Variants in PCDHGA4 observed in about 807,000 individuals in gnomAD.
The protein encoded by PCDHGA4 is protocadherin gamma-A4.
In PCDHGA4, 38 loss-of-function variants were observed where a neutral mutation model predicts 54.6. That is an observed-to-expected ratio of 0.70 (90% CI 0.54 to 0.91). The LOEUF (loss-of-function observed/expected upper bound fraction) is 0.91. Ranked by LOEUF, PCDHGA4 falls within the 40% of genes least tolerant of loss-of-function variation. PCDHGA4 has a pLI of 0.00. For synonymous variants in PCDHGA4, 511 were observed against 512.9 expected, an observed-to-expected ratio of 1.00 and a Z score of 0.05; for missense variants, 1,298 against 1,220.9, an observed-to-expected ratio of 1.06 and a Z score of -0.94.
At chr5:141,449,979 C>T (rs1382206842) in intron 1 of PCDHGA4, among the ~76,000 whole-genome samples, 1 of 148,862 alleles carries the variant, frequency 6.7e-6, no homozygotes, top group Non-Finnish European at 1.5e-5. Context: ...TCCAAAATAT[C>T]ACACATTGCA....
rs1428910817 is a variant in PCDHGA4, at chr5:141,390,296, A to G, written c.2514+32675A>G. ...CTTCCCATCAGGTGAGTTTCCTTTA[A>G]GTATAATTTAATGCTCATTGCCTAC... On this transcript the variant is annotated intron_variant, in intron 1 of 3. Coordinates refer to ENST00000571252, the MANE Select transcript of PCDHGA4 (RefSeq NM_018917.4). 7 of 1,613,806 alleles carry G rather than the reference A, an allele frequency of 4.3e-6. No individual in the cohort carries two copies. The Admixed American group carries it at 1.2e-4, about 27-fold the overall frequency.
In PCDHGA4 at chr5:141,491,778, C is replaced by T. The variant is rs568710854; in HGVS notation, c.2515-3029C>T. 3.1e-4 allele frequency: 482 copies of T among 1,547,678 alleles called. No homozygotes were observed. The highest frequency in any genetic ancestry group is 2.2e-3 in the Middle Eastern group (13 of 5,890). On this transcript the variant is annotated intron_variant, in intron 1 of 3. Transcript: ENST00000571252. This position sits in a 1 kb window ranked among gnomAD's most constrained non-coding sequence, Gnocchi z 6.9. Reference sequence around the variant, plus strand: ...CCGCCCGTCCTCATAAGGGATTGAACTTGCATCCACTCCTCTCCGGCCGGC... The same window carrying T: ...CCGCCCGTCCTCATAAGGGATTGAATTTGCATCCACTCCTCTCCGGCCGGC...
At position 141,418,250 on chromosome 5, in the gene PCDHGA4, C is replaced by T. The variant is rs375149538; in HGVS notation, c.2514+60629C>T. ...GATTGAGGATGTTAATGACCACGCC[C>T]CTCAATTCCGGAAAGATGAAATAAA... On this transcript the variant is annotated intron_variant, in intron 1 of 3. Transcript: ENST00000571252. The T allele has an allele frequency of 2.5e-5, 40 of 1,613,876 alleles. No individual in the cohort carries two copies. The African/African-American group carries it at 3.6e-4, about 15-fold the overall frequency.
At chr5:141,438,591 CATATATATATATATATATATAT>C (rs946798767) in intron 1 of PCDHGA4, among the ~76,000 whole-genome samples, 1 of 75,562 alleles carries the variant, frequency 1.3e-5, no homozygotes, top group Middle Eastern at 7.4e-3. Context: ...TACATACATA[CATATATATATATATATATATAT>C]ATATATATAT....
At chr5:141,436,294 G>A (rs1205368824) in intron 1 of PCDHGA4, among the ~76,000 whole-genome samples, 1 of 152,142 alleles carries the variant, frequency 6.6e-6, no homozygotes, top group Non-Finnish European at 1.5e-5. Context: ...AAATCATTGA[G>A]AGTTAGAGCA....
At position 141,384,238 on chromosome 5, in the gene PCDHGA4, G is replaced by A. The variant is rs1779876859; in HGVS notation, c.2514+26617G>A. ...ATTCATGCAGGTGGCAGACACCAAC[G>A]ATAACCCACCCACCTTCCCCCACTC... On this transcript the variant is annotated intron_variant, in intron 1 of 3. Coordinates refer to ENST00000571252, the MANE Select transcript of PCDHGA4 (RefSeq NM_018917.4). 1 of 1,613,838 alleles carries A rather than the reference G, an allele frequency of 6.2e-7. No individual in the cohort carries two copies. Among genetic ancestry groups the A allele is most frequent in the Non-Finnish European group, 8.5e-7 (1 of 1,179,886 alleles).
chr5:141,499,563 A>C (rs979866448), intron 2 of PCDHGA4, among the ~76,000 whole-genome samples: 3 of 152,242 alleles, frequency 2.0e-5, no homozygotes, highest in Non-Finnish European at 2.9e-5. Context: ...ACCACTATCC[A>C]GCTTCAACTA....
Position 141,356,942 on chromosome 5 carries a change from C to A in PCDHGA4, c.1835C>A (p.Ser612Tyr). Residue 612 changes from serine (S) to tyrosine (Y), a missense_variant, in exon 1 of 4, where the codon TCC (serine) becomes TAC (tyrosine). By Grantham distance (144) the Ser-to-Tyr change is moderately radical. Coordinates refer to ENST00000571252, the MANE Select transcript of PCDHGA4 (RefSeq NM_018917.4). ...ACTGGTGTGGAGCTGGCACCCCGCT[C>A]CGCAGATTCCGGCTACCTGGTGACC... ...GSTGVELAPR[S>Y]ADSGYLVTKV... 6.2e-7 allele frequency: 1 copy of A among 1,614,230 alleles called. No individual in the cohort carries two copies. Among genetic ancestry groups the A allele is most frequent in the Non-Finnish European group, 8.5e-7 (1 of 1,180,040 alleles).
At chr5:141,441,782 G>T in intron 1 of PCDHGA4, 1 of 391,086 alleles carries the variant, frequency 2.6e-6, no homozygotes, top group East Asian at 8.8e-5. Context: ...TGGACGACCT[G>T]AATGACAACG....
chr5:141,479,057 T>A (rs2099487107), intron 1 of PCDHGA4, among the ~76,000 whole-genome samples: 1 of 152,234 alleles, frequency 6.6e-6, no homozygotes, highest in East Asian at 1.9e-4. Context: ...TCTCAGATAA[T>A]TTTTTATGAA....
At chr5:141,420,250 A>G (rs757203976) in intron 1 of PCDHGA4, 2 of 1,578,784 alleles carry the variant, frequency 1.3e-6, no homozygotes, top group South Asian at 1.2e-5. Context: ...CCAGCGTTGA[A>G]GCAGATAAGA....
chr5:141,382,839 T>A lies in PCDHGA4; in HGVS notation c.2514+25218T>A. 4 of 1,450,270 alleles carry A rather than the reference T, an allele frequency of 2.8e-6. No individual in the cohort carries two copies. In the South Asian group the frequency reaches 5.5e-5, roughly 20 times the overall value. 89.8% of individuals were successfully genotyped at this position (1,450,270 alleles called of 1,614,324 possible). A position where few individuals can be genotyped will look rare whatever the true frequency, so the allele number is the denominator to read the frequency against. On this transcript the variant is annotated intron_variant, in intron 1 of 3. Coordinates refer to ENST00000571252, the MANE Select transcript of PCDHGA4 (RefSeq NM_018917.4). ...CCTAAGACAGAGGGGTCCACCCGGA[T>A]ACACCCGCATTCTGAAGCACTTCCC...
rs745334496 is a variant in PCDHGA4 at position 141,478,302 on chromosome 5, C to A, written c.2515-16505C>A. 47 of 1,613,952 alleles carry A rather than the reference C, an allele frequency of 2.9e-5. 1 individual carries two copies. In the Admixed American group the frequency reaches 7.0e-4, roughly 24 times the overall value. On this transcript the variant is annotated intron_variant, in intron 1 of 3. Transcript: ENST00000571252. ...AAGCAGTCTAGAGACCTATACCGAGCCCCGGTGAGCTCACTGTACCGAACA... is the reference window on the plus strand; with the variant it reads ...AAGCAGTCTAGAGACCTATACCGAGACCCGGTGAGCTCACTGTACCGAACA...
chr5:141,421,507 G>A lies in PCDHGA4; in HGVS notation c.2514+63886G>A, dbSNP rs758920296. On this transcript the variant is annotated intron_variant, in intron 1 of 3. Coordinates refer to ENST00000571252, the MANE Select transcript of PCDHGA4 (RefSeq NM_018917.4). ...GATCACGGCAGGCAGGATAGACCGG[G>A]AGGAGCTCTGTGAGACGGTGTCCTC... The A allele has an allele frequency of 6.8e-6, 11 of 1,614,070 alleles. No homozygotes were observed. The South Asian group carries it at 1.2e-4, about 18-fold the overall frequency.
chr5:141,462,418 T>A (rs1187388192), intron 1 of PCDHGA4, among the ~76,000 whole-genome samples: 2 of 152,250 alleles, frequency 1.3e-5, no homozygotes, highest in African/African-American at 2.4e-5. Context: ...ATATGGTCTA[T>A]CTTGGTGAGT....
At chr5:141,455,020 G>A (rs201196115) in intron 1 of PCDHGA4, among the ~76,000 whole-genome samples, 1 of 151,166 alleles carries the variant, frequency 6.6e-6, no homozygotes, top group African/African-American at 2.4e-5. Context: ...CACCGTGTTA[G>A]CCAGGATGGT....
At chr5:141,441,775 A>G (rs1005757857) in intron 1 of PCDHGA4, 27 of 388,638 alleles carry the variant, frequency 6.9e-5, no homozygotes, top group Admixed American at 5.4e-4. Context: ...GTGTTGGTGG[A>G]CGACCTGAAT....
At chr5:141,441,404 C>T (rs1231257776) in intron 1 of PCDHGA4, 1 of 155,262 alleles carries the variant, frequency 6.4e-6, no homozygotes, top group Admixed American at 6.5e-5. Context: ...ATCAGCATCA[C>T]TGCCACTGAC....
chr5:141,400,027 GC>G (rs746080003), intron 1 of PCDHGA4: 8 of 1,612,664 alleles, frequency 5.0e-6, no homozygotes, highest in Admixed American at 1.7e-5. Flanking sequence ...CAGGGACGCG[GC>G]CCGCCAGCGC....
Sources: allele counts gnomAD v4.1 joint callset (sites outside exome capture counted in the v4.1 genomes callset), GRCh38; gene constraint gnomAD v4.1.1; non-coding constraint Gnocchi (gnomAD v3.1); transcripts MANE v1.5; gene names NCBI Gene and HGNC (gene_info 2026-07-23, HGNC 2026-07-21).